Variants in NOTCH2 observed in about 807,000 individuals in gnomAD.
The protein encoded by NOTCH2 is neurogenic locus notch homolog protein 2.
In NOTCH2, 29 loss-of-function variants were observed where a neutral mutation model predicts 235.8. That is an observed-to-expected ratio of 0.12 (90% CI 0.09 to 0.17). NOTCH2 has a LOEUF of 0.17. Among genes scored for constraint, NOTCH2 ranks in the 10% least tolerant of loss-of-function variants. The pLI is 1.00. For missense variants in NOTCH2, 2,285 were observed against 3,150.2 expected (o/e 0.73, Z 6.57); for synonymous variants, 1,086 against 1,141.5 (o/e 0.95, Z 0.98).
chr1:120,011,438 T>G (rs1471308541), intron 2 of NOTCH2, among the ~76,000 whole-genome samples: 3 of 152,198 alleles, frequency 2.0e-5, no homozygotes, highest in African/African-American at 7.2e-5. Flanking sequence ...CAGGATTCAA[T>G]GGTTTGGCGT....
At chr1:119,957,879 C>CACACACAT (rs1650767635) in intron 12 of NOTCH2, among the ~76,000 whole-genome samples, 1 of 145,800 alleles carries the variant, frequency 6.9e-6, no homozygotes, top group Non-Finnish European at 1.5e-5. Flanking sequence ...CACACACACA[C>CACACACAT]ACACAACAGG....
chr1:119,970,466 A>G (rs1651318333), intron 5 of NOTCH2, among the ~76,000 whole-genome samples: 1 of 152,204 alleles, frequency 6.6e-6, no homozygotes, highest in African/African-American at 2.4e-5. Flanking sequence ...CCCATACTTA[A>G]AGGATGGGGA....
chr1:119,921,674 T>C (rs776814589), intron 29 of NOTCH2, 39 bp downstream of exon 29: 10 of 1,540,954 alleles, frequency 6.5e-6, no homozygotes, highest in African/African-American at 1.4e-5. Flanking sequence ...TGTAACCAGA[T>C]AATGGCTGAC....
In NOTCH2 at chr1:119,937,846, G is replaced by A; in HGVS notation, c.3337+11C>T. 1.9e-6 allele frequency: 3 copies of A among 1,614,096 alleles called. No homozygotes were observed. The South Asian group carries it at 3.3e-5, about 18-fold the overall frequency. On this transcript the variant is annotated intron_variant, in intron 20 of 33. Coordinates refer to ENST00000256646, the MANE Select transcript of NOTCH2 (RefSeq NM_024408.4). ...CAGTGAATGACCTGAGCCCAAGGGA[G>A]CAAAGCTTACCTCTCCTGGAGGCTG... is the stretch of plus-strand genomic sequence containing the variant.
intron 5 of NOTCH2, among the ~76,000 whole-genome samples, chr1:119,971,443 A>C (rs1383119654): frequency 6.6e-6 from 1 of 152,162 alleles, no homozygotes; most frequent in Non-Finnish European, 1.5e-5. Context: ...ATCTCTCCCA[A>C]ATTATTGGAG....
intron 22 of NOTCH2, among the ~76,000 whole-genome samples, chr1:119,930,400 G>A (rs1649613976): frequency 6.7e-6 from 1 of 150,202 alleles, no homozygotes; most frequent in Non-Finnish European, 1.5e-5. Flanking sequence ...GAGCCATCTA[G>A]TATGAATATC....
chr1:120,011,397 C>T (rs61787047), intron 2 of NOTCH2, among the ~76,000 whole-genome samples: 9 of 152,174 alleles, frequency 5.9e-5, no homozygotes, highest in African/African-American at 2.2e-4. Context: ...AATCTGAAGA[C>T]AGTTATGTGG....
intron 15 of NOTCH2, 189 bp downstream of exon 15, chr1:119,950,535 C>G: frequency 2.9e-6 from 2 of 698,354 alleles, no homozygotes; most frequent in Non-Finnish European, 5.2e-6. Flanking sequence ...CTGTCCACCA[C>G]TTGCATCTTA....
intron 25 of NOTCH2, 34 bp from the exon 26 acceptor site, chr1:119,924,018 G>A: frequency 1.3e-6 from 2 of 1,535,444 alleles, no homozygotes; most frequent in South Asian, 1.1e-5. Context: ...AGGCAAAAGA[G>A]CTCAGATTAG....
At chr1:119,941,776 A>G in intron 17 of NOTCH2, 22 bp from the exon 18 acceptor site, 2 of 1,533,358 alleles carry the variant, frequency 1.3e-6, no homozygotes, top group Non-Finnish European at 1.8e-6. Context: ...CAAAAGAATT[A>G]GACCTCTGAA....
chr1:119,996,384 G>C lies in NOTCH2; in HGVS notation c.751+613C>G. The C allele has an allele frequency of 6.2e-6, 3 of 480,072 alleles. No homozygotes were observed. In the East Asian group the frequency reaches 1.1e-4, roughly 18 times the overall value. The allele number at this position is 480,072 out of a possible 1,614,324, so 29.7% of individuals were successfully genotyped here. ...ATCATCTATCAGCTCATCAAAAAGT[G>C]CTCACTGATTAACAGAGGATCCCCT... On this transcript the variant is annotated intron_variant, in intron 4 of 33. Transcript: ENST00000256646.
In NOTCH2 at chr1:119,959,649, T is replaced by C. The variant is rs1414162677; in HGVS notation, c.1916-147A>G. On this transcript the variant is annotated intron_variant, in intron 11 of 33. Coordinates refer to ENST00000256646, the MANE Select transcript of NOTCH2 (RefSeq NM_024408.4). ...TAAAGCAGAAGTTCTCAAAATGCAGTCCACAGACTCGTTCAGGAAGATACA... is the reference window on the plus strand; with the variant it reads ...TAAAGCAGAAGTTCTCAAAATGCAGCCCACAGACTCGTTCAGGAAGATACA... 1.2e-5 allele frequency: 8 copies of C among 690,086 alleles called. No homozygotes were observed. The Admixed American group carries it at 1.4e-4, about 12-fold the overall frequency. 42.7% of individuals were successfully genotyped at this position (690,086 alleles called of 1,614,324 possible).
rs1553202295 is a variant in NOTCH2, at chr1:119,986,999, C to A, written c.835G>T (p.Val279Phe). 6.2e-7 allele frequency: 1 copy of A among 1,613,728 alleles called. No homozygotes were observed. Among genetic ancestry groups the A allele is most frequent in the Admixed American group, 1.7e-5 (1 of 60,002 alleles). ...GGACAGCGGCAGTTGTAAGTGTTGACCCCATCCACACAAACCCCTCCATTC... is the reference window on the plus strand; with the variant it reads ...GGACAGCGGCAGTTGTAAGTGTTGAACCCATCCACACAAACCCCTCCATTC... ...CQNGGVCVDG[V>F]NTYNCRCPPQ... Residue 279 changes from valine (V) to phenylalanine (F), a missense_variant, in exon 5 of 34, where the codon GTC becomes TTC. Around this residue, in one of 6 missense-constraint regions of NOTCH2, gnomAD observed 431 missense variants for 757.8 expected, o/e 0.57. Transcript: ENST00000256646.
chr1:119,920,173 T>A (rs749894933), intron 30 of NOTCH2, 56 bp downstream of exon 30: 2 of 1,601,844 alleles, frequency 1.2e-6, no homozygotes, highest in African/African-American at 2.7e-5. Flanking sequence ...GGGACAACAA[T>A]GTGGAACCAT....
chr1:120,067,590 A>C (rs1396982608), intron 1 of NOTCH2, among the ~76,000 whole-genome samples: 6 of 152,184 alleles, frequency 3.9e-5, no homozygotes, highest in Admixed American at 3.3e-4. Flanking sequence ...AGGAGACTAC[A>C]TATCATGAAG....
In NOTCH2 at chr1:119,928,466, G is replaced by C. The variant is rs187541284; in HGVS notation, c.3892+510C>G. 3.9e-5 allele frequency among the ~76,000 whole-genome samples: 6 copies of C among 152,326 alleles called. No individual in the cohort carries two copies. The East Asian group carries it at 7.7e-4, about 20-fold the overall frequency. On this transcript the variant is annotated intron_variant, in intron 23 of 33. Coordinates refer to ENST00000256646, the MANE Select transcript of NOTCH2 (RefSeq NM_024408.4). The stretch of plus-strand genomic sequence containing the variant: ...TACCCAGTAATTCAAGCCATCACAT[G>C]TCAAAGGAGGCAGGGTGAAGAAACC...
intron 5 of NOTCH2, among the ~76,000 whole-genome samples, chr1:119,972,344 T>C (rs1200830085): frequency 6.6e-6 from 1 of 152,164 alleles, no homozygotes; most frequent in African/African-American, 2.4e-5. Context: ...AATGAAAACA[T>C]GACCAAGAAG....
At chr1:119,999,080 A>C (rs1187573969) in intron 3 of NOTCH2, among the ~76,000 whole-genome samples, 1 of 129,074 alleles carries the variant, frequency 7.7e-6, no homozygotes, top group East Asian at 2.2e-4. Flanking sequence ...TTCTTAATCC[A>C]GTCTATCATT....
At chr1:120,067,433 A>G (rs1655549778) in intron 1 of NOTCH2, among the ~76,000 whole-genome samples, 1 of 152,158 alleles carries the variant, frequency 6.6e-6, no homozygotes, top group Admixed American at 6.5e-5. Flanking sequence ...GAGATCCTAT[A>G]ATAAAAGAAG....
Sources: gnomAD v4.1 joint callset for allele counts (sites outside exome capture counted in the v4.1 genomes callset) on GRCh38, gnomAD v4.1.1 for gene constraint, gnomAD v4.1.1 regional missense constraint, MANE v1.5 for transcripts, NCBI Gene and HGNC (gene_info 2026-07-23, HGNC 2026-07-21) for gene names.